Variants in MMP26 observed in about 807,000 individuals in gnomAD.
The protein encoded by MMP26 is matrix metallopeptidase 26.
In MMP26, 33 loss-of-function variants were observed where a neutral mutation model predicts 31.0. The ratio of observed to expected loss-of-function variants is 1.06; its 90% confidence interval spans 0.81 to 1.42. MMP26 has a LOEUF of 1.42. MMP26 is among the 40% of genes most tolerant of loss of function. MMP26 has a pLI of 0.00. For missense variants in MMP26, 347 were observed against 316.1 expected (o/e 1.10, Z -0.74); for synonymous variants, 122 against 114.9 (o/e 1.06, Z -0.40).
chr11:4,990,270 A>C (rs1846977843), intron 4 of MMP26, among the ~76,000 whole-genome samples: 1 of 152,162 alleles, frequency 6.6e-6, no homozygotes, highest in South Asian at 2.1e-4. Flanking sequence ...ATTTATGTAG[A>C]ATGCTGTATA....
intron 2 of MMP26, among the ~76,000 whole-genome samples, chr11:4,878,366 A>G (rs1850413161): frequency 6.6e-6 from 1 of 152,066 alleles, no homozygotes; most frequent in Non-Finnish European, 1.5e-5. Context: ...TTATTTGTGT[A>G]TTTATTTATA....
chr11:4,830,762 C>G (rs1229234148), intron 2 of MMP26, among the ~76,000 whole-genome samples: 1 of 152,170 alleles, frequency 6.6e-6, no homozygotes, highest in East Asian at 1.9e-4. Context: ...GTAAAGCTGA[C>G]TCCAGGAGTA....
At chr11:4,967,580 G>C (rs545979827) in intron 2 of MMP26, among the ~76,000 whole-genome samples, 3 of 152,228 alleles carry the variant, frequency 2.0e-5, no homozygotes, top group Non-Finnish European at 4.4e-5. Flanking sequence ...TACTGGGAAC[G>C]GTGTAAGCCA....
intron 1 of MMP26, among the ~76,000 whole-genome samples, chr11:4,715,778 A>G (rs1847922031): frequency 6.6e-6 from 1 of 152,190 alleles, no homozygotes; most frequent in African/African-American, 2.4e-5. Flanking sequence ...ATCCTGGTGT[A>G]CTTGTCCTGA....
chr11:4,827,367 T>G (rs1316141996), intron 2 of MMP26, among the ~76,000 whole-genome samples: 2 of 152,128 alleles, frequency 1.3e-5, no homozygotes, highest in Non-Finnish European at 2.9e-5. Context: ...TCCTGTAAAG[T>G]CAATTAAAAT....
chr11:4,869,390 A>G (rs2133524108), intron 2 of MMP26, among the ~76,000 whole-genome samples: 1 of 152,354 alleles, frequency 6.6e-6, no homozygotes, highest in South Asian at 2.1e-4. Context: ...AAACAGCCCC[A>G]TCAAAAAGTG....
intron 2 of MMP26, among the ~76,000 whole-genome samples, chr11:4,807,321 A>T (rs542210358): frequency 1.3e-5 from 2 of 152,268 alleles, no homozygotes; most frequent in Admixed American, 1.3e-4. Context: ...ATTTCTCCAC[A>T]TCCTCTCCAG....
intron 1 of MMP26, among the ~76,000 whole-genome samples, chr11:4,748,193 C>T (rs930897339): frequency 6.6e-6 from 1 of 151,904 alleles, no homozygotes; most frequent in African/African-American, 2.4e-5. Flanking sequence ...ACTAGAAATC[C>T]TCAAGGAAAT....
At chr11:4,745,313 G>A (rs1322463681) in intron 1 of MMP26, among the ~76,000 whole-genome samples, 1 of 152,160 alleles carries the variant, frequency 6.6e-6, no homozygotes, top group Non-Finnish European at 1.5e-5. Context: ...TAGCTCAGTG[G>A]CTTCCCAGAC....
At chr11:4,784,312 A>G (rs1469075584) in intron 2 of MMP26, among the ~76,000 whole-genome samples, 1 of 152,206 alleles carries the variant, frequency 6.6e-6, no homozygotes, top group African/African-American at 2.4e-5. Context: ...TGCACAAGGA[A>G]TCTGTAGGAA....
intron 2 of MMP26, among the ~76,000 whole-genome samples, chr11:4,794,594 T>C (rs1187018291): frequency 6.6e-6 from 1 of 152,164 alleles, no homozygotes; most frequent in African/African-American, 2.4e-5. Flanking sequence ...GCAATCATTG[T>C]CAGCTCAGGG....
Position 4,992,392 on chromosome 11 carries a change from C to T in MMP26, c.*150C>T, listed in dbSNP as rs1173370197. On this transcript the variant is annotated 3_prime_UTR_variant, in exon 8 of 8. Coordinates refer to ENST00000380390, the MANE Select transcript of MMP26 (RefSeq NM_021801.5). The stretch of plus-strand genomic sequence containing the variant: ...AGGTTAGCTGAACCGACACTCAAAA[C>T]GCTACTGAGTCACAATAAAGATTGT... 4 of 666,618 alleles carry T rather than the reference C, an allele frequency of 6.0e-6. No individual in the cohort carries two copies. Among genetic ancestry groups the T allele is most frequent in the Non-Finnish European group, 1.0e-5 (4 of 383,676 alleles). 41.3% of individuals were successfully genotyped at this position (666,618 alleles called of 1,614,324 possible). A position where few individuals can be genotyped will look rare whatever the true frequency, so the allele number is the denominator to read the frequency against.
intron 1 of MMP26, chr11:4,723,708 G>T: frequency 9.8e-7 from 1 of 1,016,004 alleles, no homozygotes; most frequent in Non-Finnish European, 1.6e-6. Flanking sequence ...GCTTCTCCTG[G>T]CCCAGAGTGT....
At chr11:4,723,461 T>C in intron 1 of MMP26, 1 of 1,064,632 alleles carries the variant, frequency 9.4e-7, no homozygotes, top group Non-Finnish European at 1.5e-6. Flanking sequence ...ACCACAGATG[T>C]GTCCGAAATC....
At chr11:4,716,422 A>G (rs751073597) in intron 1 of MMP26, among the ~76,000 whole-genome samples, 1 of 152,144 alleles carries the variant, frequency 6.6e-6, no homozygotes, top group Non-Finnish European at 1.5e-5. Flanking sequence ...ATAGGTATGA[A>G]TCATGAGGGA....
intron 2 of MMP26, among the ~76,000 whole-genome samples, chr11:4,845,640 C>G (rs939257814): frequency 2.0e-4 from 30 of 152,100 alleles, no homozygotes; most frequent in Admixed American, 7.9e-4. Flanking sequence ...ATAAAACAAT[C>G]CACAAAGTGA....
chr11:4,865,346 T>C (rs1468665740), intron 2 of MMP26, among the ~76,000 whole-genome samples: 1 of 152,078 alleles, frequency 6.6e-6, no homozygotes, highest in Non-Finnish European at 1.5e-5. Context: ...TTAATTTTAA[T>C]GCAAAACACT....
At chr11:4,783,975 C>G (rs949249261) in intron 2 of MMP26, among the ~76,000 whole-genome samples, 1 of 152,136 alleles carries the variant, frequency 6.6e-6, no homozygotes, top group Non-Finnish European at 1.5e-5. Flanking sequence ...TCAGGTATGT[C>G]TTTATCAGAA....
chr11:4,708,897 A>T (rs1391364298), intron 1 of MMP26, among the ~76,000 whole-genome samples: 1 of 152,200 alleles, frequency 6.6e-6, no homozygotes, highest in Non-Finnish European at 1.5e-5. Context: ...TTTGAACATA[A>T]TCAACTTCTC....
Sources: gnomAD v4.1 joint callset for allele counts (sites outside exome capture counted in the v4.1 genomes callset) on GRCh38, gnomAD v4.1.1 for gene constraint, MANE v1.5 for transcripts, NCBI Gene and HGNC (gene_info 2026-07-23, HGNC 2026-07-21) for gene names.